FCHSD2: variants seen among roughly 807,000 people sequenced by gnomAD.
FCHSD2 encodes FCH and double SH3 domains 2, also known as F-BAR and double SH3 domains protein 2.
In FCHSD2, 38 loss-of-function variants were observed where a neutral mutation model predicts 108.1. That is an observed-to-expected ratio of 0.35 (90% CI 0.27 to 0.46). The LOEUF is 0.46. Among genes scored for constraint, FCHSD2 ranks in the 20% least tolerant of loss-of-function variants. The pLI, the probability that FCHSD2 is intolerant of heterozygous loss-of-function variation, is 1.00. For synonymous variants in FCHSD2, 279 were observed against 314.7 expected, an observed-to-expected ratio of 0.89 and a Z score of 1.20; for missense variants, 751 against 897.8, an observed-to-expected ratio of 0.84 and a Z score of 2.09.
intron 8 of FCHSD2, among the ~76,000 whole-genome samples, chr11:72,944,109 T>TA (rs1856473359): frequency 6.6e-6 from 1 of 152,120 alleles, no homozygotes; most frequent in African/African-American, 2.4e-5. Context: ...AAGAGAATTT[T>TA]AAAACAATAT....
intron 2 of FCHSD2, among the ~76,000 whole-genome samples, chr11:73,124,356 A>G (rs1453579540): frequency 6.6e-6 from 1 of 152,150 alleles, no homozygotes; most frequent in Non-Finnish European, 1.5e-5. Flanking sequence ...ACATGTATAC[A>G]TATATAACAA....
intron 3 of FCHSD2, among the ~76,000 whole-genome samples, chr11:73,080,295 TCAAAAA>T (rs1388547378): frequency 6.7e-5 from 5 of 75,064 alleles, no homozygotes; most frequent in Admixed American, 1.8e-4. Context: ...AGACCCTGTC[TCAAAAA>T]AAAAAAAAAA....
At chr11:73,091,765 C>A (rs74977573) in intron 2 of FCHSD2, among the ~76,000 whole-genome samples, 1 of 151,900 alleles carries the variant, frequency 6.6e-6, no homozygotes, top group African/African-American at 2.4e-5. Flanking sequence ...TGATGCTGGG[C>A]GTGGTGGCTC....
chr11:73,093,954 T>C (rs2135525292), intron 2 of FCHSD2, among the ~76,000 whole-genome samples: 1 of 149,192 alleles, frequency 6.7e-6, no homozygotes, highest in South Asian at 2.4e-4. Context: ...CTCATGCCTG[T>C]AATCCCAATA....
chr11:72,941,805 C>T (rs1011917067), intron 8 of FCHSD2, among the ~76,000 whole-genome samples: 1 of 151,964 alleles, frequency 6.6e-6, no homozygotes, highest in Non-Finnish European at 1.5e-5. Flanking sequence ...AAGTATTAAC[C>T]AATCTTTGTT....
At chr11:72,868,897 C>CT (rs1011714127) in intron 12 of FCHSD2, among the ~76,000 whole-genome samples, 29 of 149,072 alleles carry the variant, frequency 1.9e-4, no homozygotes, top group South Asian at 4.3e-4. Flanking sequence ...TTTAAGTTAC[C>CT]TTTTTTTTTT....
At chr11:72,936,277 G>C (rs1164636478) in intron 8 of FCHSD2, among the ~76,000 whole-genome samples, 6 of 152,170 alleles carry the variant, frequency 3.9e-5, no homozygotes, top group East Asian at 3.9e-4. Flanking sequence ...TGACAGACTG[G>C]GCTTCTGAGT....
chr11:73,022,833 A>G (rs1858139641), intron 3 of FCHSD2, among the ~76,000 whole-genome samples: 1 of 152,178 alleles, frequency 6.6e-6, no homozygotes, highest in Non-Finnish European at 1.5e-5. Flanking sequence ...GATGTTGGCA[A>G]AAGAATGGAC....
chr11:73,023,803 T>C (rs975468695), intron 3 of FCHSD2, among the ~76,000 whole-genome samples: 1 of 152,240 alleles, frequency 6.6e-6, no homozygotes, highest in South Asian at 2.1e-4. Context: ...TACATAATTA[T>C]AATGGAATAG....
chr11:72,916,093 G>A (rs1419899679), intron 9 of FCHSD2, among the ~76,000 whole-genome samples: 1 of 151,866 alleles, frequency 6.6e-6, no homozygotes, highest in Non-Finnish European at 1.5e-5. Context: ...GAGAGAATCA[G>A]GAAAAATAAC....
At chr11:73,004,193 G>A (rs957211721) in intron 4 of FCHSD2, among the ~76,000 whole-genome samples, 8 of 147,328 alleles carry the variant, frequency 5.4e-5, no homozygotes, top group African/African-American at 2.0e-4. Flanking sequence ...TAAGTACTAC[G>A]TTATGTATTT....
At chr11:72,949,252 C>T (rs1856577905) in intron 8 of FCHSD2, among the ~76,000 whole-genome samples, 2 of 152,058 alleles carry the variant, frequency 1.3e-5, no homozygotes, top group South Asian at 4.2e-4. Context: ...GAGTTCAAGG[C>T]CAGCCTGACC....
intron 13 of FCHSD2, among the ~76,000 whole-genome samples, chr11:72,860,097 T>C (rs1213412443): frequency 2.0e-5 from 3 of 152,156 alleles, no homozygotes; most frequent in Non-Finnish European, 4.4e-5. Context: ...AAGTTCACAA[T>C]AGGGTTTATG....
intron 13 of FCHSD2, among the ~76,000 whole-genome samples, chr11:72,850,643 G>A (rs569894186): frequency 1.4e-4 from 22 of 152,068 alleles, no homozygotes; most frequent in Non-Finnish European, 2.1e-4. Flanking sequence ...GTGAGCCACC[G>A]TGCCTGGCCA....
chr11:72,865,051 A>G lies in FCHSD2; in HGVS notation c.1308+2814T>C, dbSNP rs184380496. ...GTAAGTATAGTTCCTTCCTTATTCT[A>G]TAAGGGAGTAGTCTGTGTCTTTTTA... On this transcript the variant is annotated intron_variant, in intron 13 of 19. Transcript: ENST00000409418. Among the ~76,000 whole-genome samples, 7 of 152,344 alleles carry G rather than the reference A, an allele frequency of 4.6e-5. No individual in the cohort carries two copies. In the East Asian group the frequency reaches 9.6e-4, roughly 21 times the overall value.
chr11:72,871,566 C>T, intron 12 of FCHSD2, among the ~76,000 whole-genome samples: 1 of 142,762 alleles, frequency 7.0e-6, no homozygotes, highest in East Asian at 2.1e-4. Context: ...CACTTGGTGG[C>T]TTTCTGTGGG....
At chr11:72,980,657 ATGTG>A (rs1304596546) in intron 8 of FCHSD2, among the ~76,000 whole-genome samples, 1 of 127,082 alleles carries the variant, frequency 7.9e-6, no homozygotes, top group Non-Finnish European at 1.6e-5. Context: ...GTATATATGT[ATGTG>A]TATGTGTGTG....
intron 3 of FCHSD2, among the ~76,000 whole-genome samples, chr11:73,068,337 A>G (rs1271572678): frequency 8.4e-4 from 3 of 3,560 alleles, no homozygotes; most frequent in Non-Finnish European, 1.7e-3. Context: ...TGGGTGGTGG[A>G]GGGAGGGTGG....
chr11:72,999,887 A>AC (rs1163984234), intron 5 of FCHSD2, among the ~76,000 whole-genome samples: 16 of 148,154 alleles, frequency 1.1e-4, no homozygotes, highest in African/African-American at 3.9e-4. Context: ...ACACACACAC[A>AC]AACACACACA....
Sources: allele counts gnomAD v4.1 joint callset (sites outside exome capture counted in the v4.1 genomes callset), GRCh38; gene constraint gnomAD v4.1.1; transcripts MANE v1.5; gene names NCBI Gene and HGNC (gene_info 2026-07-23, HGNC 2026-07-21).